EPHB1: variants seen among roughly 807,000 people sequenced by gnomAD.
EPHB1 encodes ephrin type-B receptor 1.
EPHB1 carries 30 observed loss-of-function variants against 94.4 expected under a neutral mutation model. The observed-to-expected ratio is 0.32, with a 90% CI of 0.24 to 0.43. The LOEUF is 0.43. Among genes scored for constraint, EPHB1 ranks in the 20% least tolerant of loss-of-function variants. The pLI is 1.00. For synonymous variants in EPHB1, 522 were observed against 489.1 expected, an observed-to-expected ratio of 1.07 and a Z score of -0.89; for missense variants, 1,055 against 1,308.3, an observed-to-expected ratio of 0.81 and a Z score of 2.99.
rs778966928 is a variant in EPHB1, at chr3:135,058,759, G to A, written c.806-47689G>A. On this transcript the variant is annotated intron_variant, in intron 3 of 15. Coordinates refer to ENST00000398015, the MANE Select transcript of EPHB1 (RefSeq NM_004441.5). ...TGCTCCACAGAGCTCTTCTGCCTCC[G>A]GCTACATGGGGATTCTGCAGAAAGG... Among the ~76,000 whole-genome samples the A allele has an allele frequency of 3.9e-5, 6 of 152,296 alleles. No individual in the cohort carries two copies. The East Asian group carries it at 5.8e-4, about 15-fold the overall frequency.
rs532365842 is a variant in EPHB1, at chr3:135,025,062, C to A, written c.805+73010C>A. Among the ~76,000 whole-genome samples the A allele has an allele frequency of 2.3e-4, 34 of 149,840 alleles. No individual in the cohort carries two copies. The South Asian group carries it at 7.2e-3, about 32-fold the overall frequency. On this transcript the variant is annotated intron_variant, in intron 3 of 15. Transcript: ENST00000398015. ...TTTACAACTTTTTTGTTAAATGTAG[C>A]GTGTTTAGATTATTATATCTATACA... is the stretch of plus-strand genomic sequence containing the variant.
At chr3:135,140,010 C>T (rs1170952137) in intron 5 of EPHB1, among the ~76,000 whole-genome samples, 2 of 152,170 alleles carry the variant, frequency 1.3e-5, no homozygotes, top group Non-Finnish European at 2.9e-5. Context: ...AGAGTGCCCA[C>T]AGGACTCAGG....
intron 1 of EPHB1, among the ~76,000 whole-genome samples, chr3:134,921,491 T>C (rs556321767): frequency 6.6e-6 from 1 of 152,200 alleles, no homozygotes; most frequent in Admixed American, 6.5e-5. Context: ...CAGTTATGAC[T>C]TTGCTTCTTG....
At position 135,098,327 on chromosome 3, in the gene EPHB1, G is replaced by C. The variant is rs530819094; in HGVS notation, c.806-8121G>C. The stretch of plus-strand genomic sequence containing the variant: ...CAGATTTTATTTTCCATTTTGCTGA[G>C]TATGATATGTTTGAGTGTGTGTGTG... On this transcript the variant is annotated intron_variant, in intron 3 of 15. Transcript: ENST00000398015. Among the ~76,000 whole-genome samples the C allele has an allele frequency of 4.3e-5, 6 of 140,438 alleles. No homozygotes were observed. In the South Asian group the frequency reaches 1.4e-3, roughly 33 times the overall value. 92.1% of individuals were successfully genotyped at this position (140,438 alleles called of 152,430 possible).
chr3:135,042,514 T>C (rs1936883692), intron 3 of EPHB1, among the ~76,000 whole-genome samples: 1 of 152,224 alleles, frequency 6.6e-6, no homozygotes, highest in African/African-American at 2.4e-5. Context: ...TTGTGTGAAA[T>C]TCCAGCTCAA....
chr3:134,922,789 A>G (rs1228367528), intron 1 of EPHB1, among the ~76,000 whole-genome samples: 1 of 152,188 alleles, frequency 6.6e-6, no homozygotes, highest in Admixed American at 6.5e-5. Flanking sequence ...CAAAAGCCCA[A>G]GTCGGCCTTG....
At chr3:135,164,861 A>G (rs1348746548) in intron 7 of EPHB1, among the ~76,000 whole-genome samples, 1 of 152,118 alleles carries the variant, frequency 6.6e-6, no homozygotes, top group Admixed American at 6.5e-5. Context: ...CTAGATAAAA[A>G]ATAAGATGAA....
intron 1 of EPHB1, among the ~76,000 whole-genome samples, chr3:134,884,080 C>T (rs2037814642): frequency 1.3e-5 from 2 of 152,200 alleles, no homozygotes; most frequent in South Asian, 4.1e-4. Flanking sequence ...TGTGCCCTGC[C>T]CCATGCCACC....
chr3:134,823,533 G>A (rs895919196), intron 1 of EPHB1, among the ~76,000 whole-genome samples: 2 of 152,122 alleles, frequency 1.3e-5, no homozygotes, highest in African/African-American at 2.4e-5. Flanking sequence ...CTCATGTACC[G>A]CTTGCAACAA....
intron 3 of EPHB1, among the ~76,000 whole-genome samples, chr3:135,099,825 C>G (rs918791789): frequency 1.3e-5 from 2 of 152,178 alleles, no homozygotes; most frequent in African/African-American, 2.4e-5. Context: ...TTTTCTGCCT[C>G]TCTTACAGAA....
intron 4 of EPHB1, among the ~76,000 whole-genome samples, chr3:135,120,443 T>G (rs1475648787): frequency 6.6e-6 from 1 of 152,216 alleles, no homozygotes; most frequent in East Asian, 1.9e-4. Context: ...TTTCTTCTGC[T>G]GGGCATCTTG....
At chr3:134,882,673 CTT>C (rs1560280241) in intron 1 of EPHB1, among the ~76,000 whole-genome samples, 1 of 151,404 alleles carries the variant, frequency 6.6e-6, no homozygotes. Context: ...TCCTTCCTTC[CTT>C]CCTTCTTTCC....
chr3:134,817,490 T>C (rs1374456837), intron 1 of EPHB1, among the ~76,000 whole-genome samples: 1 of 152,174 alleles, frequency 6.6e-6, no homozygotes, highest in African/African-American at 2.4e-5. Flanking sequence ...GCTCTGTAGT[T>C]TCTGTCCCCA....
At chr3:135,043,969 C>T (rs577444209) in intron 3 of EPHB1, among the ~76,000 whole-genome samples, 1 of 152,322 alleles carries the variant, frequency 6.6e-6, no homozygotes, top group Non-Finnish European at 1.5e-5. Context: ...GTCTGAATGT[C>T]AGGGCTGGGC....
At chr3:134,950,861 T>A (rs1933000816) in intron 2 of EPHB1, among the ~76,000 whole-genome samples, 2 of 152,146 alleles carry the variant, frequency 1.3e-5, no homozygotes, top group South Asian at 4.1e-4. Context: ...TCTAAGTTGG[T>A]TGAGAAACCC....
chr3:135,203,482 G>T (rs774631472), intron 12 of EPHB1, among the ~76,000 whole-genome samples: 3 of 151,914 alleles, frequency 2.0e-5, no homozygotes, highest in Non-Finnish European at 4.4e-5. Flanking sequence ...TTTCTCAAAC[G>T]GCCATCTAGT....
intron 1 of EPHB1, among the ~76,000 whole-genome samples, chr3:134,802,282 A>G (rs916916310): frequency 4.0e-5 from 6 of 151,696 alleles, no homozygotes; most frequent in Admixed American, 6.6e-5. Context: ...TAAAAAAAAC[A>G]AAAAAACAAA....
intron 1 of EPHB1, among the ~76,000 whole-genome samples, chr3:134,916,517 G>A (rs1279082141): frequency 6.6e-6 from 1 of 152,260 alleles, no homozygotes; most frequent in Non-Finnish European, 1.5e-5. Flanking sequence ...TGCAGAGGCA[G>A]CTAAGGCCTG....
intron 3 of EPHB1, among the ~76,000 whole-genome samples, chr3:135,007,477 C>G (rs1425498000): frequency 6.6e-6 from 1 of 152,144 alleles, no homozygotes; most frequent in Non-Finnish European, 1.5e-5. Flanking sequence ...TGTGCAAACT[C>G]CAGTCACTGT....
Sources: gnomAD v4.1 joint callset for allele counts (sites outside exome capture counted in the v4.1 genomes callset) on GRCh38, gnomAD v4.1.1 for gene constraint, MANE v1.5 for transcripts, NCBI Gene and HGNC (gene_info 2026-07-23, HGNC 2026-07-21) for gene names.